PRR14L: variants seen among roughly 807,000 people sequenced by gnomAD.
PRR14L encodes the protein protein PRR14L.
A neutral mutation model predicts 155.0 loss-of-function variants in PRR14L; 80 were observed. The ratio of observed to expected loss-of-function variants is 0.52; its 90% CI spans 0.43 to 0.62. The LOEUF (loss-of-function observed/expected upper bound fraction) is 0.62. Ranked by LOEUF, PRR14L falls within the 20% of genes least tolerant of loss-of-function variation. The probability of loss-of-function intolerance (pLI) is 0.00; values close to 1 mark genes in which losing one functional copy is unlikely to be tolerated. For missense variants in PRR14L, 2,469 were observed against 2,548.0 expected (o/e 0.97, Z 0.67); for synonymous variants, 883 against 916.0 (o/e 0.96, Z 0.65).
intron 7 of PRR14L, among the ~76,000 whole-genome samples, chr22:31,695,378 GC>G (rs1215115251): frequency 2.0e-5 from 3 of 152,160 alleles, no homozygotes; most frequent in African/African-American, 7.2e-5. Context: ...GGTTTGGTGA[GC>G]TTTTTTTCTT....
intron 1 of PRR14L, among the ~76,000 whole-genome samples, chr22:31,747,572 G>A (rs1488771131): frequency 2.0e-5 from 3 of 150,886 alleles, no homozygotes. Flanking sequence ...AGCTCAAAGG[G>A]TCTTGTCACC....
intron 4 of PRR14L, among the ~76,000 whole-genome samples, chr22:31,711,686 AAGG>A (rs1259424563): frequency 6.6e-6 from 1 of 150,566 alleles, no homozygotes; most frequent in Non-Finnish European, 1.5e-5. Flanking sequence ...CAGGAGGCTG[AAGG>A]AGGAGAATCG....
Position 31,703,568 on chromosome 22 carries a change from G to A in PRR14L, c.5982C>T (p.Ser1994=), listed in dbSNP as rs2074573934. The change falls in exon 6 of 9, where the codon AGC becomes AGT. Residue 1994 remains serine, a synonymous_variant. Transcript: ENST00000327423. ...VKAACPCPQS[S]PPEQKEAEPE... The stretch of plus-strand genomic sequence containing the variant: ...CACTTACCTCTTTCTGTTCTGGGGG[G>A]CTGCTCTGTGGGCAGGGGCATGCTG... 4 of 1,613,118 alleles carry A rather than the reference G, an allele frequency of 2.5e-6. No individual in the cohort carries two copies. The highest frequency in any genetic ancestry group is 3.4e-6 in the Non-Finnish European group (4 of 1,179,468).
chr22:31,725,011 A>G (rs2074709093), intron 3 of PRR14L, among the ~76,000 whole-genome samples: 1 of 152,206 alleles, frequency 6.6e-6, no homozygotes, highest in African/African-American at 2.4e-5. Context: ...TATACTGGGT[A>G]CATGTCTCCC....
rs1408520185 is a variant in PRR14L at position 31,714,754 on chromosome 22, T to C, written c.3085A>G (p.Ser1029Gly). The change falls in exon 4 of 9, where the codon AGT becomes GGT. Residue 1029 changes from serine to glycine, a missense_variant. Ser to Gly is a moderately conservative substitution (Grantham distance 56). This residue lies in a region of PRR14L where 2,363 missense variants were observed against 2,371.6 expected (regional missense o/e 1.00). Coordinates refer to ENST00000327423, the MANE Select transcript of PRR14L (RefSeq NM_173566.3). ...CCTTTCAAATTGCATTTCTTTGGAC[T>C]ACCACAAGGTAGTGAGTTATTACTG... ...SGSNNSLPCG[S>G]PKKCNLKGAF... The C allele has an allele frequency of 6.4e-7, 1 of 1,552,374 alleles. No individual in the cohort carries two copies. The highest frequency in any genetic ancestry group is 8.7e-7 in the Non-Finnish European group (1 of 1,147,144).
rs2074459886 is a variant in PRR14L, at chr22:31,682,532, G to GAAAA, written c.*2994_*2995insTTTT. ...CATGAAGCTGGAAAGGAGACCAAAA[G>GAAAA]CAAAAAAAGAGGAGGGAACGCGGAG... On this transcript the variant is annotated 3_prime_UTR_variant, in exon 9 of 9. Transcript: ENST00000327423. 1 of 150,768 alleles carries GAAAA rather than the reference G, an allele frequency of 6.6e-6. No homozygotes were observed. The highest frequency in any genetic ancestry group is 1.5e-5 in the Non-Finnish European group (1 of 67,868). The allele number at this position is 150,768 out of a possible 1,614,324, so 9.3% of individuals were successfully genotyped here.
Position 31,725,626 on chromosome 22 carries a change from C to G in PRR14L, c.475-16G>C. The G allele has an allele frequency of 6.6e-7, 1 of 1,511,566 alleles. No individual in the cohort carries two copies. 93.6% of individuals were successfully genotyped at this position (1,511,566 alleles called of 1,614,324 possible). On this transcript the variant is annotated splice_polypyrimidine_tract_variant and intron_variant, in intron 2 of 8. Transcript: ENST00000327423. ...GGAGATCCTCCTACAGTAAGAAAATCCAGTGGTCAAGGGGGATTCAGAAGA... is the reference window on the plus strand; with the variant it reads ...GGAGATCCTCCTACAGTAAGAAAATGCAGTGGTCAAGGGGGATTCAGAAGA...
chr22:31,701,943 G>T (rs1235614061), intron 6 of PRR14L, among the ~76,000 whole-genome samples, 181 bp from the exon 7 acceptor site: 1 of 151,948 alleles, frequency 6.6e-6, no homozygotes. Context: ...AAAGCGCTGG[G>T]GTTACAAGTA....
chr22:31,691,694 A>AG, intron 7 of PRR14L, among the ~76,000 whole-genome samples: 1 of 152,204 alleles, frequency 6.6e-6, no homozygotes. Flanking sequence ...CTCCTGTTGT[A>AG]GCATGTATCA....
Position 31,685,392 on chromosome 22 carries a change from T to G in PRR14L, c.*135A>C. On this transcript the variant is annotated 3_prime_UTR_variant, in exon 9 of 9. Coordinates refer to ENST00000327423, the MANE Select transcript of PRR14L (RefSeq NM_173566.3). ...GAAATAGGTAAAAATTCATGGACTG[T>G]GCATTTTTGAGTGGTTTGGCGGTAG... 1 of 694,926 alleles carries G rather than the reference T, an allele frequency of 1.4e-6. No homozygotes were observed. The highest frequency in any genetic ancestry group is 2.4e-6 in the Non-Finnish European group (1 of 424,180). The allele number at this position is 694,926 out of a possible 1,614,324, so 43.0% of individuals were successfully genotyped here.
At chr22:31,708,919 T>C (rs544894297) in intron 4 of PRR14L, among the ~76,000 whole-genome samples, 1 of 152,230 alleles carries the variant, frequency 6.6e-6, no homozygotes, top group East Asian at 1.9e-4. Flanking sequence ...CTCCAACTCC[T>C]GGGTTTAAGT....
intron 1 of PRR14L, among the ~76,000 whole-genome samples, chr22:31,747,235 C>A (rs1055243672): frequency 4.0e-5 from 6 of 151,802 alleles, no homozygotes; most frequent in African/African-American, 1.5e-4. Flanking sequence ...CTCAGCCTTC[C>A]TAGTAGCTGG....
Position 31,716,291 on chromosome 22 carries a change from CATCAAGGAG to C in PRR14L, c.1539_1547del (p.Ser514_Met516del), listed in dbSNP as rs2074659010. ...TTGTCTGTCCTGCCTCTTCAATCTG[CATCAAGGAG>C]GAAAAACTGCTTTCTTCAGAGTGTC... On this transcript the variant is annotated inframe_deletion, in exon 4 of 9. Transcript: ENST00000327423. 1 of 1,551,526 alleles carries C rather than the reference CATCAAGGAG, an allele frequency of 6.4e-7. No homozygotes were observed. The highest frequency in any genetic ancestry group is 1.4e-5 in the African/African-American group (1 of 73,048).
chr22:31,714,429 CA>C lies in PRR14L; in HGVS notation c.3409del (p.Cys1137AlafsTer4). The C allele has an allele frequency of 6.4e-7, 1 of 1,551,636 alleles. No individual in the cohort carries two copies. The highest frequency in any genetic ancestry group is 8.7e-7 in the Non-Finnish European group (1 of 1,146,970). On this transcript the variant is annotated frameshift_variant, in exon 4 of 9. Coordinates refer to ENST00000327423, the MANE Select transcript of PRR14L (RefSeq NM_173566.3). LOFTEE classifies it high-confidence loss of function. ...CATTTCACAGTCTTTTAAAGATCTG[CA>C]TACGTTTTCTTCACATGATTTTTTT... ...KIKKSCEENV[C>X]RSLKDCEMEK...
At position 31,717,153 on chromosome 22, in the gene PRR14L, C is replaced by A; in HGVS notation, c.686G>T (p.Gly229Val). 1 of 1,552,320 alleles carries A rather than the reference C, an allele frequency of 6.4e-7. No homozygotes were observed. Among genetic ancestry groups the A allele is most frequent in the South Asian group, 1.2e-5 (1 of 84,060 alleles). Residue 229 changes from glycine (G) to valine (V), a missense_variant, in exon 4 of 9, where the codon GGT (glycine) becomes GTT (valine). Gly to Val is a moderately radical substitution (Grantham distance 109). Around this residue, in one of 2 missense-constraint regions of PRR14L, gnomAD observed 2,363 missense variants for 2,371.6 expected, o/e 1.00. Transcript: ENST00000327423. ...GATTTTGTCTACTTCTTGGAATTCACCGCATCCAGCTGAGAGATCTTTACT... is the reference window on the plus strand; with the variant it reads ...GATTTTGTCTACTTCTTGGAATTCAACGCATCCAGCTGAGAGATCTTTACT... ...NVSKDLSAGC[G>V]EFQEVDKIMT...
intron 7 of PRR14L, among the ~76,000 whole-genome samples, chr22:31,697,551 T>C (rs962970627): frequency 2.0e-5 from 3 of 152,104 alleles, no homozygotes; most frequent in Admixed American, 2.0e-4. Flanking sequence ...CAATATGTCA[T>C]CACTTAGAAA....
chr22:31,701,554 T>C (rs1325213591), intron 7 of PRR14L, 102 bp downstream of exon 7: 1 of 626,994 alleles, frequency 1.6e-6, no homozygotes, highest in Admixed American at 3.3e-5. Context: ...CCTAGAAATG[T>C]AATAAATGGC....
chr22:31,700,266 T>G (rs537769328), intron 7 of PRR14L, among the ~76,000 whole-genome samples: 4 of 152,368 alleles, frequency 2.6e-5, no homozygotes, highest in Admixed American at 2.0e-4. Context: ...GTAAACAAGG[T>G]TCTTCAGACA....
intron 7 of PRR14L, among the ~76,000 whole-genome samples, chr22:31,696,668 A>G (rs757937813): frequency 1.1e-4 from 16 of 152,140 alleles, no homozygotes; most frequent in South Asian, 2.1e-4. Flanking sequence ...AACAGCTCCT[A>G]CCCATCCTGA....
Sources: allele counts gnomAD v4.1 joint callset (sites outside exome capture counted in the v4.1 genomes callset), GRCh38; gene constraint gnomAD v4.1.1; regional missense constraint gnomAD v4.1.1; transcripts MANE v1.5; gene names NCBI Gene and HGNC (gene_info 2026-07-23, HGNC 2026-07-21).